The following MRPL13 variants were observed in gnomAD, a reference collection of about 807,000 sequenced individuals.
The protein encoded by MRPL13 is mitochondrial ribosomal protein L13.
In MRPL13, 33 loss-of-function variants were observed where a neutral mutation model predicts 29.0. The observed-to-expected ratio is 1.14, with a 90% CI of 0.86 to 1.52. The LOEUF (loss-of-function observed/expected upper bound fraction) is 1.52. MRPL13 is among the 40% of genes most tolerant of loss of function. MRPL13 has a pLI of 0.00. For missense variants in MRPL13, 227 were observed against 216.7 expected (o/e 1.05, Z -0.30); for synonymous variants, 77 against 68.4 (o/e 1.13, Z -0.62).
intron 2 of MRPL13, among the ~76,000 whole-genome samples, chr8:120,433,951 G>C (rs1813024334): frequency 6.6e-6 from 1 of 152,066 alleles, no homozygotes; most frequent in African/African-American, 2.4e-5. Context: ...ATGTTCTGAA[G>C]AGAAATTAAG....
chr8:120,428,485 T>C (rs1407335853), intron 3 of MRPL13, among the ~76,000 whole-genome samples: 1 of 152,096 alleles, frequency 6.6e-6, no homozygotes. Context: ...AAAGCATAAA[T>C]TGACAGATGG....
chr8:120,422,880 A>G (rs904979818), intron 4 of MRPL13, among the ~76,000 whole-genome samples: 5 of 151,760 alleles, frequency 3.3e-5, no homozygotes, highest in Admixed American at 2.6e-4. Context: ...TTTTTAACAC[A>G]GGTCTTAAAG....
chr8:120,438,655 T>G (rs1813082255), intron 2 of MRPL13, among the ~76,000 whole-genome samples: 1 of 152,140 alleles, frequency 6.6e-6, no homozygotes, highest in Admixed American at 6.5e-5. Context: ...ATACCATTGC[T>G]AAGGAAAAAA....
intron 6 of MRPL13, among the ~76,000 whole-genome samples, chr8:120,410,021 A>C (rs1016406529): frequency 2.6e-5 from 4 of 152,218 alleles, no homozygotes; most frequent in African/African-American, 4.8e-5. Context: ...CAATTTTGTT[A>C]ATCATCTACT....
intron 6 of MRPL13, among the ~76,000 whole-genome samples, chr8:120,404,438 CTT>C (rs1399685368): frequency 3.3e-5 from 5 of 152,196 alleles, no homozygotes; most frequent in South Asian, 2.1e-4. Context: ...CAAATTTCCT[CTT>C]TGTCTTTTCT....
At chr8:120,433,710 T>C (rs1185552254) in intron 2 of MRPL13, among the ~76,000 whole-genome samples, 4 of 152,088 alleles carry the variant, frequency 2.6e-5, no homozygotes, top group African/African-American at 9.7e-5. Flanking sequence ...CTACTAACTC[T>C]AAACAAAAAC....
chr8:120,443,086 TA>T, intron 2 of MRPL13, 98 bp downstream of exon 2: 1 of 1,176,502 alleles, frequency 8.5e-7, no homozygotes, highest in Non-Finnish European at 1.1e-6. Context: ...TCAGGAAAAA[TA>T]AAAAGGGCCC....
chr8:120,440,388 C>T (rs772514694), intron 2 of MRPL13, among the ~76,000 whole-genome samples: 14 of 152,142 alleles, frequency 9.2e-5, no homozygotes, highest in Non-Finnish European at 1.9e-4. Context: ...GGGTGGATCA[C>T]CTGCGGTCAG....
chr8:120,399,052 C>A (rs186753032), intron 6 of MRPL13, among the ~76,000 whole-genome samples: 300 of 152,068 alleles, frequency 2.0e-3, no homozygotes, highest in African/African-American at 6.9e-3. Flanking sequence ...AAAACAGAAC[C>A]AAGTTGGAAA....
chr8:120,441,334 T>G (rs1391641790), intron 2 of MRPL13, among the ~76,000 whole-genome samples: 2 of 152,172 alleles, frequency 1.3e-5, no homozygotes, highest in African/African-American at 4.8e-5. Flanking sequence ...AGCATATAGA[T>G]GATTTTTAGA....
intron 2 of MRPL13, among the ~76,000 whole-genome samples, chr8:120,434,856 T>C (rs1813035026): frequency 1.3e-5 from 2 of 152,164 alleles, no homozygotes; most frequent in Non-Finnish European, 2.9e-5. Context: ...TTTTTGCCAC[T>C]GAAATGGCAA....
chr8:120,423,026 A>G (rs1292143951), intron 4 of MRPL13, among the ~76,000 whole-genome samples: 1 of 152,116 alleles, frequency 6.6e-6, no homozygotes, highest in Non-Finnish European at 1.5e-5. Flanking sequence ...TTTAGTATGC[A>G]TAAAGAAATA....
chr8:120,401,460 T>G (rs1812597008), intron 6 of MRPL13, among the ~76,000 whole-genome samples: 1 of 152,190 alleles, frequency 6.6e-6, no homozygotes, highest in African/African-American at 2.4e-5. Context: ...CATCCTTTCA[T>G]GTTAAAAACT....
intron 5 of MRPL13, 100 bp downstream of exon 5, chr8:120,419,752 A>C: frequency 1.3e-6 from 1 of 768,042 alleles, no homozygotes; most frequent in Non-Finnish European, 1.9e-6. Flanking sequence ...AGTTGACATA[A>C]AATTTTTGAA....
At chr8:120,396,265 G>GAA in intron 6 of MRPL13, 140 bp from the exon 7 acceptor site, 2 of 609,982 alleles carry the variant, frequency 3.3e-6, no homozygotes, top group Non-Finnish European at 5.5e-6. Context: ...AATTTTTGGT[G>GAA]AAAAAAAAAC....
intron 2 of MRPL13, among the ~76,000 whole-genome samples, chr8:120,437,047 C>T (rs763362617): frequency 7.9e-5 from 12 of 152,100 alleles, no homozygotes; most frequent in Non-Finnish European, 1.8e-4. Context: ...AATATAGTCA[C>T]TTCCAAAGGA....
At chr8:120,435,984 C>G (rs1813050146) in intron 2 of MRPL13, among the ~76,000 whole-genome samples, 3 of 151,892 alleles carry the variant, frequency 2.0e-5, no homozygotes, top group Non-Finnish European at 4.4e-5. Flanking sequence ...TTGTTTTTTG[C>G]TTGTAAATTT....
chr8:120,414,081 A>G lies in MRPL13; in HGVS notation c.425T>C (p.Val142Ala), dbSNP rs930269932. 3.6e-5 allele frequency: 58 copies of G among 1,592,976 alleles called. No individual in the cohort carries two copies. Among genetic ancestry groups the G allele is most frequent in the Non-Finnish European group, 4.8e-5 (56 of 1,172,410 alleles). ...YIPEDILKNL[V>A]EELPQPRKIP... ...TTTTCGTGGTTGAGGAAGCTCCTCT[A>G]CTAAATTCTTAAGAATATCTTCTGG... The change falls in exon 6 of 7, where the codon GTA (valine) becomes GCA (alanine). Residue 142 changes from valine to alanine, a missense_variant. Transcript: ENST00000306185.
chr8:120,433,969 A>C (rs923956510), intron 2 of MRPL13, among the ~76,000 whole-genome samples: 2 of 152,138 alleles, frequency 1.3e-5, no homozygotes, highest in African/African-American at 4.8e-5. Context: ...AAGTTGAAAA[A>C]TAGTAAGCAA....
Sources: allele counts gnomAD v4.1 joint callset (sites outside exome capture counted in the v4.1 genomes callset), GRCh38; gene constraint gnomAD v4.1.1; transcripts MANE v1.5; gene names NCBI Gene and HGNC (gene_info 2026-07-23, HGNC 2026-07-21).